NLGN1: variants seen among roughly 807,000 people sequenced by gnomAD.
NLGN1 encodes the protein neuroligin-1.
A neutral mutation model predicts 65.5 loss-of-function variants in NLGN1; 12 were observed. The ratio of observed to expected loss-of-function variants is 0.18; its 90% confidence interval spans 0.12 to 0.30. NLGN1 has a LOEUF of 0.30. NLGN1 is among the 10% of genes least tolerant of loss of function. The pLI is 1.00. For missense variants in NLGN1, 750 were observed against 1,007.1 expected (o/e 0.74, Z 3.46); for synonymous variants, 350 against 359.5 (o/e 0.97, Z 0.30).
chr3:173,465,380 G>A (rs1724171107), intron 2 of NLGN1, among the ~76,000 whole-genome samples: 2 of 152,220 alleles, frequency 1.3e-5, no homozygotes, highest in African/African-American at 4.8e-5. Context: ...TAATGCTTGT[G>A]CTGGAAGAGA....
intron 2 of NLGN1, among the ~76,000 whole-genome samples, chr3:173,584,130 C>T (rs1746860591): frequency 6.7e-6 from 1 of 150,096 alleles, no homozygotes; most frequent in African/African-American, 2.5e-5. Flanking sequence ...AGTCTTTAAA[C>T]GTAAAACAAA....
Position 174,246,696 on chromosome 3 carries a change from G to A in NLGN1, c.647-28619G>A, listed in dbSNP as rs1376448053. On this transcript the variant is annotated intron_variant, in intron 4 of 6. Coordinates refer to ENST00000457714, the Ensembl canonical transcript of NLGN1. The stretch of plus-strand genomic sequence containing the variant: ...AGCCTCCCAAAGCGTTGTGATTACA[G>A]GTGTGAGCCACTGTTTTTAGCTCCT... Among the ~76,000 whole-genome samples, 3 of 152,034 alleles carry A rather than the reference G, an allele frequency of 2.0e-5. No homozygotes were observed. In the East Asian group the frequency reaches 5.8e-4, roughly 29 times the overall value.
At chr3:173,702,346 TTTA>T (rs1255566818) in intron 3 of NLGN1, among the ~76,000 whole-genome samples, 2 of 152,140 alleles carry the variant, frequency 1.3e-5, no homozygotes, top group Non-Finnish European at 2.9e-5. Flanking sequence ...ACGACAAGAA[TTTA>T]TGTATGTCCT....
chr3:174,228,388 A>G (rs142389438), intron 4 of NLGN1, among the ~76,000 whole-genome samples: 1,767 of 152,216 alleles, frequency 0.012, 21 homozygotes, highest in Non-Finnish European at 0.017. Context: ...TATGAGTTCA[A>G]TCATAGTTCT....
chr3:173,936,884 G>A (rs1397704229), intron 4 of NLGN1, among the ~76,000 whole-genome samples: 1 of 151,868 alleles, frequency 6.6e-6, no homozygotes, highest in Non-Finnish European at 1.5e-5. Context: ...TATCTGTATT[G>A]GGTTAACATT....
At chr3:174,237,507 T>C (rs957884435) in intron 4 of NLGN1, among the ~76,000 whole-genome samples, 1 of 152,202 alleles carries the variant, frequency 6.6e-6, no homozygotes, top group African/African-American at 2.4e-5. Context: ...GCCAAGCATA[T>C]CTGAAGTTAG....
At chr3:173,987,269 G>A (rs752523411) in intron 4 of NLGN1, among the ~76,000 whole-genome samples, 22 of 152,240 alleles carry the variant, frequency 1.4e-4, no homozygotes, top group Admixed American at 5.2e-4. Context: ...GTAACAAAGG[G>A]AAGAGTCAAA....
chr3:173,645,281 C>T (rs753981952), intron 3 of NLGN1, among the ~76,000 whole-genome samples: 5 of 152,226 alleles, frequency 3.3e-5, no homozygotes, highest in Non-Finnish European at 5.9e-5. Flanking sequence ...CTTGTCTCCT[C>T]TCCCCTCCCT....
At chr3:173,514,447 G>A (rs1211826943) in intron 2 of NLGN1, among the ~76,000 whole-genome samples, 18 of 151,854 alleles carry the variant, frequency 1.2e-4, no homozygotes, top group Admixed American at 1.2e-3. Flanking sequence ...TTTGTGTTCT[G>A]GTAGTTTAGC....
Position 173,905,342 on chromosome 3 carries a change from GGGTCCATATT to G in NLGN1, c.646+97511_646+97520del, listed in dbSNP as rs1377233257. On this transcript the variant is annotated intron_variant, in intron 4 of 6. Coordinates refer to ENST00000457714, the Ensembl canonical transcript of NLGN1. The stretch of plus-strand genomic sequence containing the variant: ...AGACTCTAGAGTGAGGAGAGCCAAA[GGGTCCATATT>G]AGCTTCCAACCCCAATTTGTACTGT... Among the ~76,000 whole-genome samples the G allele has an allele frequency of 3.3e-5, 5 of 152,304 alleles. No individual in the cohort carries two copies. The East Asian group carries it at 9.7e-4, about 29-fold the overall frequency.
intron 4 of NLGN1, among the ~76,000 whole-genome samples, chr3:173,877,983 C>T (rs1410380020): frequency 3.3e-5 from 5 of 152,130 alleles, no homozygotes; most frequent in Admixed American, 3.3e-4. Flanking sequence ...AATTAACTGA[C>T]TTACCTCTAG....
the NLGN1 span, among the ~76,000 whole-genome samples, chr3:174,292,579 A>G: frequency 2.0e-5 from 3 of 151,466 alleles, no homozygotes; most frequent in East Asian, 1.9e-4. Context: ...TTGAAAATTC[A>G]TAAGTAAAAA....
chr3:173,640,903 A>G (rs1757315042), intron 3 of NLGN1, among the ~76,000 whole-genome samples: 1 of 152,230 alleles, frequency 6.6e-6, no homozygotes, highest in South Asian at 2.1e-4. Context: ...TAGAAAGCAA[A>G]TCATATCAGG....
intron 1 of NLGN1, among the ~76,000 whole-genome samples, chr3:173,429,438 G>A (rs1184517157): frequency 2.0e-5 from 3 of 152,156 alleles, no homozygotes; most frequent in Non-Finnish European, 4.4e-5. Flanking sequence ...CAAAACTACT[G>A]TTTTGAATAG....
intron 4 of NLGN1, among the ~76,000 whole-genome samples, chr3:174,197,925 T>C (rs1179909084): frequency 6.6e-6 from 1 of 152,112 alleles, no homozygotes; most frequent in African/African-American, 2.4e-5. Context: ...AACGATCTAG[T>C]ATTGACATTT....
intron 3 of NLGN1, among the ~76,000 whole-genome samples, chr3:173,784,278 A>G (rs1200243156): frequency 1.3e-5 from 2 of 152,302 alleles, no homozygotes; most frequent in Non-Finnish European, 2.9e-5. Flanking sequence ...AGGAAGGTGA[A>G]TATTAACATC....
chr3:174,126,337 G>A (rs2152659640), intron 4 of NLGN1, among the ~76,000 whole-genome samples: 1 of 152,176 alleles, frequency 6.6e-6, no homozygotes, highest in East Asian at 1.9e-4. Context: ...TAGTGTAGAG[G>A]AAAGAAAATA....
intron 4 of NLGN1, among the ~76,000 whole-genome samples, chr3:174,012,922 G>A (rs1725837901): frequency 6.6e-6 from 1 of 152,182 alleles, no homozygotes; most frequent in Admixed American, 6.6e-5. Flanking sequence ...AGTTGCCAAA[G>A]CAGAACGTAG....
At chr3:173,448,502 A>G (rs1720819637) in intron 2 of NLGN1, among the ~76,000 whole-genome samples, 1 of 152,270 alleles carries the variant, frequency 6.6e-6, no homozygotes, top group African/African-American at 2.4e-5. Context: ...ATGTTCATCA[A>G]GGATATTGGT....
Sources: gnomAD v4.1 joint callset for allele counts (sites outside exome capture counted in the v4.1 genomes callset) on GRCh38, gnomAD v4.1.1 for gene constraint, MANE v1.5 for transcripts, NCBI Gene and HGNC (gene_info 2026-07-23, HGNC 2026-07-21) for gene names.